Variants in DLC1 observed in about 807,000 individuals in gnomAD.
DLC1 encodes rho GTPase-activating protein 7.
Under a neutral mutation model 140.3 loss-of-function variants are expected in DLC1, and 54 were observed. The observed-to-expected ratio is 0.38, with a 90% CI of 0.31 to 0.48. The LOEUF is 0.48. Ranked by LOEUF, DLC1 falls within the 20% of genes least tolerant of loss-of-function variation. The probability of loss-of-function intolerance (pLI) is 0.96; values close to 1 mark genes in which losing one functional copy is unlikely to be tolerated. For missense variants in DLC1, 2,536 were observed against 1,907.0 expected (o/e 1.33, Z -6.14); for synonymous variants, 986 against 728.1 (o/e 1.35, Z -5.70).
rs374857292 is a variant in DLC1, at chr8:13,573,652, A to G, written c.-126+30885T>C. Among the ~76,000 whole-genome samples the G allele has an allele frequency of 3.9e-5, 6 of 152,282 alleles. No homozygotes were observed. In the East Asian group the frequency reaches 5.8e-4, roughly 15 times the overall value. ...AATTCTTAGTTTATTGAATGTTTGT[A>G]TCATAAAAGTGTTTCGTATTTTGTC... On this transcript the variant is annotated intron_variant, in intron 1 of 1. Coordinates refer to the DLC1 transcript ENST00000631382.
intron 5 of DLC1, among the ~76,000 whole-genome samples, chr8:13,270,072 AG>A (rs1586044077): frequency 1.3e-5 from 2 of 151,910 alleles, no homozygotes; most frequent in East Asian, 3.9e-4. Flanking sequence ...AAAAAAAAAA[AG>A]AAATTAAAAA....
chr8:13,490,075 T>G (rs1462393813), intron 2 of DLC1, among the ~76,000 whole-genome samples: 1 of 152,204 alleles, frequency 6.6e-6, no homozygotes, highest in Non-Finnish European at 1.5e-5. Context: ...GTTGTGCTTT[T>G]TTTCCTCATT....
chr8:13,253,607 A>G (rs1478716708), intron 5 of DLC1, among the ~76,000 whole-genome samples: 1 of 152,224 alleles, frequency 6.6e-6, no homozygotes, highest in East Asian at 1.9e-4. Context: ...TACTAAACTG[A>G]AAAGACTTAG....
chr8:13,468,860 T>TTTTTAA (rs1800074494), intron 2 of DLC1, among the ~76,000 whole-genome samples: 4 of 147,566 alleles, frequency 2.7e-5, no homozygotes, highest in Non-Finnish European at 6.0e-5. Flanking sequence ...CTCGCTCTGT[T>TTTTTAA]GCCAGGCTGG....
chr8:13,420,571 C>T (rs886765400), intron 2 of DLC1, among the ~76,000 whole-genome samples: 2 of 152,066 alleles, frequency 1.3e-5, no homozygotes, highest in African/African-American at 4.8e-5. Context: ...CCCCCTCAAC[C>T]CCTGACAGGC....
At chr8:13,602,515 A>G (rs1706655329) in intron 1 of DLC1, among the ~76,000 whole-genome samples, 2 of 151,876 alleles carry the variant, frequency 1.3e-5, no homozygotes, top group Non-Finnish European at 3.0e-5. Context: ...AAATAAAATG[A>G]CATGATGTCT....
intron 12 of DLC1, among the ~76,000 whole-genome samples, chr8:13,094,409 TAATCCTAGCACTCTGGGAGG>T (rs1818335093): frequency 6.6e-6 from 1 of 152,204 alleles, no homozygotes; most frequent in African/African-American, 2.4e-5. Flanking sequence ...CTCACACCTG[TAATCCTAGCACTCTGGGAGG>T]CCGAGGTGGG....
intron 1 of DLC1, among the ~76,000 whole-genome samples, chr8:13,584,733 A>G (rs1243714541): frequency 6.6e-6 from 1 of 152,168 alleles, no homozygotes; most frequent in East Asian, 1.9e-4. Context: ...TGATGAGGGA[A>G]TATTCCGAAG....
rs369581778 is a variant in DLC1 at position 13,120,370 on chromosome 8, T to TATAA, written c.1349-4714_1349-4713insTTAT. Among the ~76,000 whole-genome samples the TATAA allele has an allele frequency of 2.5e-4, 28 of 110,864 alleles. No individual in the cohort carries two copies. The South Asian group carries it at 6.9e-3, about 28-fold the overall frequency. The allele number at this position is 110,864 out of a possible 152,430, so 72.7% of individuals were successfully genotyped here. A position where few individuals can be genotyped will look rare whatever the true frequency, so the allele number is the denominator to read the frequency against. ...AAAAAAAAAAAAATATATATATATA[T>TATAA]AAAATGTATATTATGTAACAAATAC... On this transcript the variant is annotated intron_variant, in intron 5 of 17. Transcript: ENST00000276297.
At chr8:13,192,412 A>G (rs1202432591) in intron 5 of DLC1, among the ~76,000 whole-genome samples, 1 of 152,186 alleles carries the variant, frequency 6.6e-6, no homozygotes, top group Non-Finnish European at 1.5e-5. Flanking sequence ...AAATCACAGG[A>G]AGTTACCAGA....
At chr8:13,432,953 T>G (rs1168241128) in intron 2 of DLC1, among the ~76,000 whole-genome samples, 1 of 149,828 alleles carries the variant, frequency 6.7e-6, no homozygotes, top group Non-Finnish European at 1.5e-5. Flanking sequence ...TTTTTTTTTT[T>G]TTTTTTTTTT....
chr8:13,537,075 C>G (rs544586801), intron 1 of DLC1, among the ~76,000 whole-genome samples: 16 of 151,926 alleles, frequency 1.1e-4, no homozygotes, highest in Admixed American at 3.9e-4. Context: ...ATTTCTGAAT[C>G]TTTGTCTTTA....
intron 5 of DLC1, among the ~76,000 whole-genome samples, chr8:13,186,701 G>A (rs1826389866): frequency 6.6e-6 from 1 of 152,212 alleles, no homozygotes; most frequent in African/African-American, 2.4e-5. Context: ...TGCTGGCAAG[G>A]AGCTGCAGTC....
rs1468896169 is a variant in DLC1 at position 13,085,702 on chromosome 8, T to C, written c.*109A>G. On this transcript the variant is annotated 3_prime_UTR_variant, in exon 18 of 18. Transcript: ENST00000276297. ...TATAGTCAATTCCTACACTCCAGCT[T>C]GTAGTTTTCTTTGTTTCAGGATTAG... The C allele has an allele frequency of 2.7e-6, 4 of 1,505,608 alleles. No homozygotes were observed. Among genetic ancestry groups the C allele is most frequent in the East Asian group, 2.3e-5 (1 of 44,048 alleles). The allele number at this position is 1,505,608 out of a possible 1,614,324, so 93.3% of individuals were successfully genotyped here.
chr8:13,583,454 C>T (rs1805188525), intron 1 of DLC1, among the ~76,000 whole-genome samples: 1 of 152,140 alleles, frequency 6.6e-6, no homozygotes. Flanking sequence ...CCTCAGATTC[C>T]ACTTATAATT....
At chr8:13,285,244 ATTT>A (rs1283844281) in intron 5 of DLC1, among the ~76,000 whole-genome samples, 4 of 152,046 alleles carry the variant, frequency 2.6e-5, no homozygotes, top group Non-Finnish European at 4.4e-5. Flanking sequence ...TGGTCAGTTG[ATTT>A]TTTTTATAAT....
At chr8:13,295,778 C>T (rs1484747436) in intron 5 of DLC1, among the ~76,000 whole-genome samples, 1 of 151,984 alleles carries the variant, frequency 6.6e-6, no homozygotes, top group Non-Finnish European at 1.5e-5. Context: ...CCAAAGTAAA[C>T]ATACCTCTCC....
Position 13,100,180 on chromosome 8 carries a change from G to A in DLC1, c.2157C>T (p.Leu719=). The change falls in exon 9 of 18, where the codon CTC becomes CTT. Residue 719 remains leucine (L), a synonymous_variant. Coordinates refer to ENST00000276297, the MANE Select transcript of DLC1 (RefSeq NM_182643.3). ...TGGGGACGTTGATGCGGTTGCCATTGAGGGCGGAGATCTCCACGCAGTTGA... is the reference window on the plus strand; with the variant it reads ...TGGGGACGTTGATGCGGTTGCCATTAAGGGCGGAGATCTCCACGCAGTTGA... ...KQLNCVEISA[L]NGNRINVPMV... 1.2e-6 allele frequency: 2 copies of A among 1,613,952 alleles called. No homozygotes were observed. Among genetic ancestry groups the A allele is most frequent in the Non-Finnish European group, 1.7e-6 (2 of 1,179,990 alleles).
At chr8:13,131,478 C>T (rs1023302629) in intron 5 of DLC1, among the ~76,000 whole-genome samples, 1 of 152,204 alleles carries the variant, frequency 6.6e-6, no homozygotes, top group African/African-American at 2.4e-5. Context: ...GAAACAACCT[C>T]TGAATCCTGA....
Sources: allele counts gnomAD v4.1 joint callset (sites outside exome capture counted in the v4.1 genomes callset), GRCh38; gene constraint gnomAD v4.1.1; transcripts MANE v1.5; gene names NCBI Gene and HGNC (gene_info 2026-07-23, HGNC 2026-07-21).